FAM168A: variants seen among roughly 807,000 people sequenced by gnomAD.
The protein encoded by FAM168A is family with sequence similarity 168 member A.
Under a neutral mutation model 28.5 loss-of-function variants are expected in FAM168A, and 3 were observed. The observed-to-expected ratio is 0.11, with a 90% CI of 0.05 to 0.27. The LOEUF (loss-of-function observed/expected upper bound fraction) is 0.27, where lower values mean the gene tolerates loss of function less well. Among genes scored for constraint, FAM168A ranks in the 10% least tolerant of loss-of-function variants. FAM168A has a pLI of 1.00. For missense variants in FAM168A, 222 were observed against 311.5 expected (o/e 0.71, Z 2.16); for synonymous variants, 122 against 124.2 (o/e 0.98, Z 0.12).
chr11:73,411,312 C>T, intron 5 of FAM168A, 82 bp downstream of exon 5: 1 of 1,469,700 alleles, frequency 6.8e-7, no homozygotes. Flanking sequence ...CCTTCCCTCA[C>T]TTCCTCACCC....
chr11:73,480,384 TTC>T (rs57949673), intron 1 of FAM168A, among the ~76,000 whole-genome samples: 2 of 151,168 alleles, frequency 1.3e-5, no homozygotes, highest in African/African-American at 2.4e-5. Flanking sequence ...AATAGAAAAT[TTC>T]TCTCTCTCTC....
At position 73,544,194 on chromosome 11, in the gene FAM168A, T is replaced by C. The variant is rs548858003; in HGVS notation, c.-19+53729A>G. Among the ~76,000 whole-genome samples, 3 of 152,194 alleles carry C rather than the reference T, an allele frequency of 2.0e-5. No individual in the cohort carries two copies. The South Asian group carries it at 6.2e-4, about 31-fold the overall frequency. On this transcript the variant is annotated intron_variant, in intron 1 of 7. Coordinates refer to ENST00000356467, the MANE Select transcript of FAM168A (RefSeq NM_015159.3). ...AGCTAATGAAAGATGTTCAGCATCA[T>C]TAGCCACCAGGGAAACGCACATCAA... is the stretch of plus-strand genomic sequence containing the variant.
At chr11:73,563,705 A>G (rs887117610) in intron 1 of FAM168A, among the ~76,000 whole-genome samples, 2 of 152,256 alleles carry the variant, frequency 1.3e-5, no homozygotes, top group Non-Finnish European at 2.9e-5. Flanking sequence ...AGGCAGGCAG[A>G]AATTATCATT....
At chr11:73,564,462 GGC>G (rs1396253048) in intron 1 of FAM168A, among the ~76,000 whole-genome samples, 1 of 151,780 alleles carries the variant, frequency 6.6e-6, no homozygotes, top group Non-Finnish European at 1.5e-5. Flanking sequence ...GAGGTGGCCA[GGC>G]GCAGTGGCTC....
intron 1 of FAM168A, among the ~76,000 whole-genome samples, chr11:73,548,787 T>A (rs1468240319): frequency 6.6e-6 from 1 of 152,024 alleles, no homozygotes; most frequent in Non-Finnish European, 1.5e-5. Flanking sequence ...ACTACAGGTG[T>A]GCGCCACCAA....
intron 1 of FAM168A, among the ~76,000 whole-genome samples, chr11:73,565,294 T>C (rs1371609488): frequency 1.3e-5 from 2 of 152,194 alleles, no homozygotes; most frequent in Non-Finnish European, 2.9e-5. Flanking sequence ...TTCCACTATA[T>C]GCGTAACGGC....
intron 4 of FAM168A, chr11:73,412,328 C>G (rs1002925696): frequency 6.6e-6 from 1 of 152,176 alleles, no homozygotes; most frequent in Non-Finnish European, 1.5e-5. Context: ...CACAAAGATT[C>G]ACATCAACCT....
Position 73,554,546 on chromosome 11 carries a change from C to T in FAM168A, c.-19+43377G>A, listed in dbSNP as rs147242284. ...CAGAATATAGAGCGATATTATTTGC[C>T]AAGTTTTCTAGTTTTTCCATAACAG... is the stretch of plus-strand genomic sequence containing the variant. On this transcript the variant is annotated intron_variant, in intron 1 of 7. Coordinates refer to ENST00000356467, the MANE Select transcript of FAM168A (RefSeq NM_015159.3). 4.9e-3 allele frequency among the ~76,000 whole-genome samples: 751 copies of T among 152,084 alleles called. 6 individuals are homozygous for T. Among genetic ancestry groups the T allele is most frequent in the Middle Eastern group, 0.031 (9 of 294 alleles).
At chr11:73,461,314 C>T (rs1031144444) in intron 2 of FAM168A, among the ~76,000 whole-genome samples, 2 of 151,988 alleles carry the variant, frequency 1.3e-5, no homozygotes, top group Admixed American at 6.6e-5. Flanking sequence ...GATGAGGTCT[C>T]GCCATGTTGC....
chr11:73,521,929 T>G lies in FAM168A; in HGVS notation c.-18-53437A>C, dbSNP rs563901737. On this transcript the variant is annotated intron_variant, in intron 1 of 7. Transcript: ENST00000356467. ...AAGACTACATGAGGCACAGCAAATT[T>G]GGGAACAGTAGAGTTCAACAAAGGT... Among the ~76,000 whole-genome samples the G allele has an allele frequency of 1.2e-4, 18 of 152,288 alleles. No homozygotes were observed. The South Asian group carries it at 3.5e-3, about 30-fold the overall frequency.
intron 1 of FAM168A, among the ~76,000 whole-genome samples, chr11:73,488,642 T>C (rs753714188): frequency 2.6e-5 from 4 of 152,042 alleles, no homozygotes; most frequent in African/African-American, 4.8e-5. Flanking sequence ...TCTTAACTTC[T>C]CTCCTATCAC....
chr11:73,508,157 T>A (rs2134633510), intron 1 of FAM168A, among the ~76,000 whole-genome samples: 1 of 152,268 alleles, frequency 6.6e-6, no homozygotes, highest in East Asian at 1.9e-4. Flanking sequence ...TAGCACAATG[T>A]CTAGCACATA....
intron 2 of FAM168A, among the ~76,000 whole-genome samples, chr11:73,432,822 G>A (rs768320865): frequency 9.2e-5 from 14 of 152,140 alleles, no homozygotes; most frequent in Non-Finnish European, 1.9e-4. Flanking sequence ...GGCTGGGGCT[G>A]CAGTGAGCCG....
chr11:73,588,371 G>A (rs769927157), intron 1 of FAM168A, among the ~76,000 whole-genome samples: 31 of 152,096 alleles, frequency 2.0e-4, no homozygotes, highest in Non-Finnish European at 4.0e-4. Flanking sequence ...AACAAATGTG[G>A]GTTCTTAAAC....
chr11:73,470,743 T>C (rs1214596767), intron 1 of FAM168A, among the ~76,000 whole-genome samples: 2 of 152,202 alleles, frequency 1.3e-5, no homozygotes, highest in Admixed American at 1.3e-4. Flanking sequence ...CCATTCATTA[T>C]AAATTACCCA....
intron 1 of FAM168A, among the ~76,000 whole-genome samples, chr11:73,569,306 C>T (rs941374144): frequency 1.3e-5 from 2 of 152,194 alleles, no homozygotes; most frequent in African/African-American, 4.8e-5. Context: ...ATGGAAAACA[C>T]ACTGTTGCCA....
intron 1 of FAM168A, among the ~76,000 whole-genome samples, chr11:73,491,954 C>T (rs748077551): frequency 2.0e-5 from 3 of 152,168 alleles, no homozygotes; most frequent in Non-Finnish European, 4.4e-5. Flanking sequence ...CAGCACAGGG[C>T]TAATTATATC....
intron 1 of FAM168A, among the ~76,000 whole-genome samples, chr11:73,481,054 G>T (rs996291822): frequency 7.3e-5 from 11 of 151,634 alleles, no homozygotes; most frequent in African/African-American, 2.7e-4. Flanking sequence ...ATCTTTCCTA[G>T]CTCCTTCCCT....
At chr11:73,451,153 T>A (rs1194073104) in intron 2 of FAM168A, among the ~76,000 whole-genome samples, 1 of 152,176 alleles carries the variant, frequency 6.6e-6, no homozygotes, top group East Asian at 1.9e-4. Flanking sequence ...GAGATACTGA[T>A]TCCTTAAGCT....
Sources: allele counts gnomAD v4.1 joint callset (sites outside exome capture counted in the v4.1 genomes callset), GRCh38; gene constraint gnomAD v4.1.1; transcripts MANE v1.5; gene names NCBI Gene and HGNC (gene_info 2026-07-23, HGNC 2026-07-21).